The following EYA4 variants were observed in gnomAD, a reference collection of about 807,000 sequenced individuals.
EYA4 encodes the protein protein phosphatase EYA4.
A neutral mutation model predicts 87.9 loss-of-function variants in EYA4; 31 were observed. That is an observed-to-expected ratio of 0.35 (90% confidence interval 0.27 to 0.48). The LOEUF (loss-of-function observed/expected upper bound fraction) is 0.48, where lower values mean the gene tolerates loss of function less well. Among genes scored for constraint, EYA4 ranks in the 20% least tolerant of loss-of-function variants. The pLI is 0.99. For synonymous variants in EYA4, 263 were observed against 270.6 expected, an observed-to-expected ratio of 0.97 and a Z score of 0.28; for missense variants, 678 against 761.4, an observed-to-expected ratio of 0.89 and a Z score of 1.29.
In EYA4 at chr6:133,381,644, T is replaced by C. The variant is rs529762147; in HGVS notation, c.34-748T>C. 2.0e-4 allele frequency among the ~76,000 whole-genome samples: 30 copies of C among 152,270 alleles called. No homozygotes were observed. The East Asian group carries it at 5.4e-3, about 27-fold the overall frequency. ...ATTTTTCATATTAACCAAGAGATTT[T>C]TGAAGTTTAGTCTACTCTGCATATA... is the stretch of plus-strand genomic sequence containing the variant. On this transcript the variant is annotated intron_variant, in intron 2 of 19. Transcript: ENST00000355286.
intron 3 of EYA4, among the ~76,000 whole-genome samples, chr6:133,423,866 G>A (rs1790427058): frequency 6.6e-6 from 1 of 152,190 alleles, no homozygotes; most frequent in East Asian, 1.9e-4. Flanking sequence ...TGTGACCGTG[G>A]CGCCTTTACC....
chr6:133,314,179 C>G (rs1364558036), intron 2 of EYA4, among the ~76,000 whole-genome samples: 2 of 152,002 alleles, frequency 1.3e-5, no homozygotes, highest in African/African-American at 4.8e-5. Flanking sequence ...ACTTCTGATA[C>G]AGATTAAATG....
chr6:133,494,803 T>G (rs1337670882), intron 13 of EYA4, among the ~76,000 whole-genome samples: 1 of 151,786 alleles, frequency 6.6e-6, no homozygotes, highest in Non-Finnish European at 1.5e-5. Context: ...GTGAGCCATG[T>G]TCACACCACT....
At chr6:133,422,168 A>C (rs187061847) in intron 3 of EYA4, among the ~76,000 whole-genome samples, 1 of 152,298 alleles carries the variant, frequency 6.6e-6, no homozygotes, top group Admixed American at 6.5e-5. Context: ...TAGATCGTAA[A>C]AATAAACACT....
intron 13 of EYA4, among the ~76,000 whole-genome samples, chr6:133,500,607 A>G (rs1798033510): frequency 6.6e-6 from 1 of 152,076 alleles, no homozygotes; most frequent in South Asian, 2.1e-4. Flanking sequence ...AAACAAATGA[A>G]TTCTGTCATC....
intron 3 of EYA4, among the ~76,000 whole-genome samples, chr6:133,432,596 A>G (rs951549669): frequency 8.6e-5 from 13 of 151,842 alleles, no homozygotes; most frequent in African/African-American, 2.9e-4. Context: ...ATCGTACACA[A>G]CTTCAACCAT....
chr6:133,362,884 G>A (rs1784559702), intron 2 of EYA4, among the ~76,000 whole-genome samples: 1 of 152,224 alleles, frequency 6.6e-6, no homozygotes, highest in African/African-American at 2.4e-5. Context: ...AGGAAAGAAT[G>A]GAGCTGGGTT....
At chr6:133,373,622 T>G (rs1206814743) in intron 2 of EYA4, among the ~76,000 whole-genome samples, 1 of 152,062 alleles carries the variant, frequency 6.6e-6, no homozygotes, top group African/African-American at 2.4e-5. Flanking sequence ...CTTTAGAATA[T>G]TCATTTTGCT....
chr6:133,345,354 AATTTTCCATACTTTTATGAGG>A (rs1783112999), intron 2 of EYA4, among the ~76,000 whole-genome samples: 1 of 152,182 alleles, frequency 6.6e-6, no homozygotes, highest in Admixed American at 6.5e-5. Context: ...AACAAACTAG[AATTTTCCATACTTTTATGAGG>A]AGTATGCGTA....
chr6:133,464,793 CCAT>C lies in EYA4; in HGVS notation c.744_746del (p.Ser249del). 1 of 1,607,124 alleles carries C rather than the reference CCAT, an allele frequency of 6.2e-7. No individual in the cohort carries two copies. Among genetic ancestry groups the C allele is most frequent in the Middle Eastern group, 1.7e-4 (1 of 6,036 alleles). On this transcript the variant is annotated inframe_deletion, in exon 10 of 20. Coordinates refer to ENST00000355286, the MANE Select transcript of EYA4 (RefSeq NM_004100.5). ...TTTACCTCTAGGTTCTAGTTTTGCA[CCAT>C]CATCTACTATTTATGCAAATAATTC...
At chr6:133,426,147 C>T (rs986634210) in intron 3 of EYA4, among the ~76,000 whole-genome samples, 2 of 151,608 alleles carry the variant, frequency 1.3e-5, no homozygotes, top group Non-Finnish European at 2.9e-5. Context: ...TTAACCACTC[C>T]TCATCTATGC....
At chr6:133,415,009 C>A (rs1457006777) in intron 3 of EYA4, among the ~76,000 whole-genome samples, 1 of 152,144 alleles carries the variant, frequency 6.6e-6, no homozygotes, top group Admixed American at 6.5e-5. Flanking sequence ...GAATTTATTT[C>A]ATCCAATTTG....
At chr6:133,248,879 T>TTG (rs1554207654) in intron 1 of EYA4, 12 of 151,432 alleles carry the variant, frequency 7.9e-5, no homozygotes, top group Non-Finnish European at 1.3e-4. Context: ...TTGTTTTTTT[T>TTG]TTTGTTTGTT....
intron 3 of EYA4, among the ~76,000 whole-genome samples, chr6:133,397,321 C>T (rs898822390): frequency 7.9e-5 from 12 of 152,318 alleles, no homozygotes; most frequent in African/African-American, 2.6e-4. Flanking sequence ...TTTCCTGACA[C>T]TGGAAGAAGA....
chr6:133,473,926 C>T (rs1279226236), intron 11 of EYA4, among the ~76,000 whole-genome samples: 1 of 151,992 alleles, frequency 6.6e-6, no homozygotes, highest in Non-Finnish European at 1.5e-5. Flanking sequence ...TGTCATGATC[C>T]TCTTTGGGTC....
chr6:133,261,039 G>A (rs149393679), intron 1 of EYA4, among the ~76,000 whole-genome samples: 5 of 152,254 alleles, frequency 3.3e-5, no homozygotes, highest in African/African-American at 1.2e-4. Flanking sequence ...AGTCACATTT[G>A]CCTTATCAGT....
intron 2 of EYA4, among the ~76,000 whole-genome samples, chr6:133,357,742 G>A (rs762341833): frequency 5.3e-5 from 8 of 152,096 alleles, no homozygotes; most frequent in Non-Finnish European, 1.2e-4. Flanking sequence ...ACTCGCTGGT[G>A]TTGTGTTTGT....
At chr6:133,256,960 T>A (rs1260925594) in intron 1 of EYA4, among the ~76,000 whole-genome samples, 1 of 152,138 alleles carries the variant, frequency 6.6e-6, no homozygotes, top group Non-Finnish European at 1.5e-5. Context: ...GTGGGGTTTT[T>A]TTTCCTGCAG....
chr6:133,450,472 A>G (rs1793323832), intron 5 of EYA4, among the ~76,000 whole-genome samples: 1 of 152,210 alleles, frequency 6.6e-6, no homozygotes, highest in Non-Finnish European at 1.5e-5. Context: ...GCTTTTCAAG[A>G]TCATTCCAAT....
Sources: allele counts gnomAD v4.1 joint callset (sites outside exome capture counted in the v4.1 genomes callset), GRCh38; gene constraint gnomAD v4.1.1; transcripts MANE v1.5; gene names NCBI Gene and HGNC (gene_info 2026-07-23, HGNC 2026-07-21).